RHBDD1: variants seen among roughly 807,000 people sequenced by gnomAD.
The protein encoded by RHBDD1 is rhomboid domain containing 1.
A neutral mutation model predicts 36.3 loss-of-function variants in RHBDD1; 38 were observed. That is an observed-to-expected ratio of 1.05 (90% CI 0.81 to 1.37). The LOEUF is 1.37. RHBDD1 is among the 40% of genes most tolerant of loss of function. The probability of loss-of-function intolerance (pLI) is 0.00; values close to 1 mark genes in which losing one functional copy is unlikely to be tolerated. For missense variants in RHBDD1, 393 were observed against 377.6 expected, an observed-to-expected ratio of 1.04 and a Z score of -0.34; for synonymous variants, 151 against 136.5, an observed-to-expected ratio of 1.11 and a Z score of -0.74.
chr2:226,906,162 A>G (rs1178642001), intron 5 of RHBDD1, among the ~76,000 whole-genome samples: 1 of 152,232 alleles, frequency 6.6e-6, no homozygotes, highest in Non-Finnish European at 1.5e-5. Context: ...GAGTTAAACC[A>G]CTGTCATGCC....
chr2:226,815,999 G>A, the RHBDD1 span, among the ~76,000 whole-genome samples: 1 of 152,182 alleles, frequency 6.6e-6, no homozygotes, highest in Non-Finnish European at 1.5e-5. Context: ...TCTAGTTTGT[G>A]ACATGATGCT....
In RHBDD1 at chr2:226,995,592, A is replaced by C; in HGVS notation, c.*70A>C. 1.0e-6 allele frequency: 1 copy of C among 963,462 alleles called. No individual in the cohort carries two copies. Among genetic ancestry groups the C allele is most frequent in the Non-Finnish European group, 1.6e-6 (1 of 612,832 alleles). The allele number at this position is 963,462 out of a possible 1,614,324, so 59.7% of individuals were successfully genotyped here. On this transcript the variant is annotated 3_prime_UTR_variant, in exon 9 of 9. Coordinates refer to ENST00000392062, the MANE Select transcript of RHBDD1 (RefSeq NM_001167608.3). ...CATTTGGCTCATTCCCCAAGCCCCT[A>C]ATTCATTTTAATTCATTTTAAACAA...
chr2:226,801,000 G>A, the RHBDD1 span, among the ~76,000 whole-genome samples: 174 of 152,326 alleles, frequency 1.1e-3, no homozygotes, highest in Non-Finnish European at 2.0e-3. Context: ...TAAACAAGCA[G>A]TTTGTCCCTG....
intron 8 of RHBDD1, among the ~76,000 whole-genome samples, chr2:226,995,008 A>C (rs1273408631): frequency 2.6e-5 from 4 of 152,282 alleles, no homozygotes; most frequent in Admixed American, 2.6e-4. Flanking sequence ...AGAGGGAAGA[A>C]AAGGAGCACC....
intron 8 of RHBDD1, among the ~76,000 whole-genome samples, chr2:226,987,876 G>GA (rs1957353270): frequency 6.6e-6 from 1 of 152,168 alleles, no homozygotes; most frequent in Admixed American, 6.5e-5. Context: ...GGGTGGAGGG[G>GA]ATCCAATAAT....
chr2:226,875,012 T>A (rs899025823), intron 5 of RHBDD1, among the ~76,000 whole-genome samples: 2 of 152,208 alleles, frequency 1.3e-5, no homozygotes, highest in Non-Finnish European at 2.9e-5. Context: ...GTTAATTACT[T>A]CTTTGTCTTT....
intron 8 of RHBDD1, among the ~76,000 whole-genome samples, chr2:226,991,606 A>G (rs1958231858): frequency 6.6e-6 from 1 of 152,248 alleles, no homozygotes; most frequent in African/African-American, 2.4e-5. Flanking sequence ...ATTTACTGTC[A>G]TGTGGCACTC....
upstream of RHBDD1, among the ~76,000 whole-genome samples, chr2:226,832,586 T>C (rs1423573944): frequency 2.0e-5 from 3 of 152,254 alleles, no homozygotes; most frequent in African/African-American, 7.2e-5. Context: ...TACTGTTGTT[T>C]GTATATTTCT....
chr2:226,814,055 T>G, the RHBDD1 span, among the ~76,000 whole-genome samples: 1 of 152,218 alleles, frequency 6.6e-6, no homozygotes, highest in Admixed American at 6.5e-5. Flanking sequence ...CTGCTGTTTT[T>G]GGGTGAGTGA....
intron 8 of RHBDD1, among the ~76,000 whole-genome samples, chr2:226,980,838 G>T (rs1192581061): frequency 6.6e-6 from 1 of 152,042 alleles, no homozygotes; most frequent in Non-Finnish European, 1.5e-5. Context: ...TTCTTTTTCT[G>T]TTCATAAAAT....
the RHBDD1 span, among the ~76,000 whole-genome samples, chr2:226,816,382 A>G: frequency 2.0e-5 from 3 of 150,912 alleles, no homozygotes; most frequent in Non-Finnish European, 4.4e-5. Context: ...TGGCAAAAAA[A>G]AAAAAAAAAA....
intron 5 of RHBDD1, among the ~76,000 whole-genome samples, chr2:226,884,658 C>T (rs1213265135): frequency 2.0e-5 from 3 of 152,004 alleles, no homozygotes; most frequent in Non-Finnish European, 4.4e-5. Context: ...TGGCCATAAA[C>T]GTGTTAAAGA....
chr2:226,940,654 G>A (rs574274290), intron 8 of RHBDD1, among the ~76,000 whole-genome samples: 1 of 152,152 alleles, frequency 6.6e-6, no homozygotes, highest in Admixed American at 6.5e-5. Flanking sequence ...AGATGATGGA[G>A]AGTGAGATAG....
intron 8 of RHBDD1, among the ~76,000 whole-genome samples, chr2:226,923,381 T>G (rs551078745): frequency 6.6e-6 from 1 of 152,322 alleles, no homozygotes; most frequent in East Asian, 1.9e-4. Flanking sequence ...TGAAGTCCGC[T>G]GTCAGAACTA....
At chr2:226,869,085 G>A (rs963775345) in intron 5 of RHBDD1, 28 of 676,148 alleles carry the variant, frequency 4.1e-5, no homozygotes, top group East Asian at 1.3e-4. Flanking sequence ...ATAACAGTGC[G>A]TTTAATATTC....
At chr2:226,941,701 ACAAAC>A (rs1256231604) in intron 8 of RHBDD1, among the ~76,000 whole-genome samples, 1 of 152,216 alleles carries the variant, frequency 6.6e-6, no homozygotes, top group Admixed American at 6.5e-5. Flanking sequence ...TATGGAAAAT[ACAAAC>A]CAGCAAGAAG....
At chr2:226,900,683 G>T (rs1947513047) in intron 5 of RHBDD1, among the ~76,000 whole-genome samples, 1 of 152,152 alleles carries the variant, frequency 6.6e-6, no homozygotes, top group African/African-American at 2.4e-5. Flanking sequence ...GCTAAAACAA[G>T]TATTAACTGG....
chr2:226,866,996 A>G (rs1170691156), intron 4 of RHBDD1, among the ~76,000 whole-genome samples, 190 bp from the exon 5 acceptor site: 2 of 152,362 alleles, frequency 1.3e-5, no homozygotes, highest in South Asian at 2.1e-4. Context: ...ATTTAGAAAC[A>G]TCAAAGGAGT....
At chr2:226,820,610 C>T in the RHBDD1 span, among the ~76,000 whole-genome samples, 62 of 137,964 alleles carry the variant, frequency 4.5e-4, 2 homozygotes, top group South Asian at 0.014. Flanking sequence ...GAGTTCAAGA[C>T]CAGCTTGGGC....
Sources: allele counts gnomAD v4.1 joint callset (sites outside exome capture counted in the v4.1 genomes callset), GRCh38; gene constraint gnomAD v4.1.1; transcripts MANE v1.5; gene names NCBI Gene and HGNC (gene_info 2026-07-23, HGNC 2026-07-21).